RPH3A: variants seen among roughly 807,000 people sequenced by gnomAD.
The protein encoded by RPH3A is rabphilin 3A.
In RPH3A, 48 loss-of-function variants were observed where a neutral mutation model predicts 102.2. The ratio of observed to expected loss-of-function variants is 0.47; its 90% CI spans 0.37 to 0.60. The LOEUF is 0.60. RPH3A is among the 20% of genes least tolerant of loss of function. The probability of loss-of-function intolerance (pLI) is 0.00; values close to 1 mark genes in which losing one functional copy is unlikely to be tolerated. For synonymous variants in RPH3A, 310 were observed against 324.3 expected (o/e 0.96, Z 0.47); for missense variants, 781 against 910.1 (o/e 0.86, Z 1.83).
chr12:112,694,636 G>T (rs7964004), intron 1 of RPH3A, among the ~76,000 whole-genome samples: 9 of 138,514 alleles, frequency 6.5e-5, no homozygotes, highest in Admixed American at 5.5e-4. Context: ...ACACGCACGC[G>T]CGCGCGCGCA....
In RPH3A at chr12:112,791,864, A is replaced by T; in HGVS notation, c.-288A>T. ...CTACGCGGACTGGAAAGGAAGGGAG[A>T]AGGGAGAGAGAGAGAGAGAGAGAGA... On this transcript the variant is annotated 5_prime_UTR_variant, in exon 1 of 22. Transcript: ENST00000389385. 2.8e-4 allele frequency: 1 copy of T among 3,554 alleles called. No homozygotes were observed. Among genetic ancestry groups the T allele is most frequent in the Non-Finnish European group, 4.7e-4 (1 of 2,150 alleles). 0.2% of individuals were successfully genotyped at this position (3,554 alleles called of 1,614,324 possible).
chr12:112,669,978 C>T (rs1484355570), intron 1 of RPH3A, among the ~76,000 whole-genome samples: 1 of 152,136 alleles, frequency 6.6e-6, no homozygotes, highest in Non-Finnish European at 1.5e-5. Context: ...TGTTTTGTTA[C>T]TATAAACAAT....
intron 3 of RPH3A, among the ~76,000 whole-genome samples, chr12:112,829,202 C>T (rs73427034): frequency 5.1e-4 from 77 of 152,058 alleles, no homozygotes; most frequent in African/African-American, 1.8e-3. Flanking sequence ...GTTGAGGATA[C>T]GGTTATTTTT....
Position 112,869,781 on chromosome 12 carries a change from C to G in RPH3A, c.633C>G (p.Gly211=), listed in dbSNP as rs141246952. Residue 211 remains glycine (G), a synonymous_variant, in exon 9 of 22, where the codon GGC becomes GGG. Coordinates refer to ENST00000389385, the MANE Select transcript of RPH3A (RefSeq NM_001143854.2). ...PARGDSEDRR[G]PGQKTGPDPA... ...CAGGTGACAGTGAAGATAGGAGGGG[C>G]CCGGGTCAGAAGACAGGTGGGTTCT... 1 of 1,614,126 alleles carries G rather than the reference C, an allele frequency of 6.2e-7. No homozygotes were observed. Among genetic ancestry groups the G allele is most frequent in the African/African-American group, 1.3e-5 (1 of 75,014 alleles).
At chr12:112,818,307 T>TAAAAAAAAAAA (rs745954372) in intron 2 of RPH3A, among the ~76,000 whole-genome samples, 4 of 43,794 alleles carry the variant, frequency 9.1e-5, no homozygotes, top group Non-Finnish European at 1.4e-4. Context: ...TCAAGAAGAA[T>TAAAAAAAAAAA]AAAAAAAAAA....
intron 16 of RPH3A, among the ~76,000 whole-genome samples, chr12:112,886,016 T>C (rs1484391555): frequency 6.6e-6 from 1 of 152,200 alleles, no homozygotes; most frequent in African/African-American, 2.4e-5. Context: ...AGGATGATAT[T>C]GTTCACACCC....
intron 17 of RPH3A, among the ~76,000 whole-genome samples, 179 bp from the exon 18 acceptor site, chr12:112,889,845 T>A (rs1329567923): frequency 6.6e-6 from 1 of 152,208 alleles, no homozygotes; most frequent in Non-Finnish European, 1.5e-5. Context: ...TAGCTTGCCA[T>A]ATGGCTAAGT....
intron 4 of RPH3A, among the ~76,000 whole-genome samples, chr12:112,842,607 T>C (rs1455454603): frequency 6.6e-6 from 1 of 152,196 alleles, no homozygotes; most frequent in Non-Finnish European, 1.5e-5. Flanking sequence ...CTGCTTAGGT[T>C]GAAGGGCTAC....
At chr12:112,602,966 A>G (rs986852618) in intron 1 of RPH3A, among the ~76,000 whole-genome samples, 1 of 152,338 alleles carries the variant, frequency 6.6e-6, no homozygotes, top group Admixed American at 6.5e-5. Context: ...ATAAAGACCC[A>G]AAGAAACAGG....
At chr12:112,894,377 G>A in intron 19 of RPH3A, 12 of 600,292 alleles carry the variant, frequency 2.0e-5, no homozygotes, top group Middle Eastern at 4.1e-4. Flanking sequence ...CTAGGGTCAT[G>A]TGGGGATTAA....
At chr12:112,762,635 G>C (rs1436507399) in intron 1 of RPH3A, among the ~76,000 whole-genome samples, 1 of 152,134 alleles carries the variant, frequency 6.6e-6, no homozygotes, top group Admixed American at 6.5e-5. Flanking sequence ...CCTCAGATAT[G>C]GCTGGATCCA....
intron 5 of RPH3A, among the ~76,000 whole-genome samples, chr12:112,863,485 T>C (rs1406107021): frequency 1.3e-5 from 2 of 152,126 alleles, no homozygotes; most frequent in African/African-American, 4.8e-5. Flanking sequence ...GCCCAGCTAA[T>C]TTTTTTGTAT....
chr12:112,859,328 C>A (rs1218019604), intron 5 of RPH3A, among the ~76,000 whole-genome samples: 1 of 152,264 alleles, frequency 6.6e-6, no homozygotes, highest in African/African-American at 2.4e-5. Flanking sequence ...GATTCAAACC[C>A]GTGGCTTTTA....
At chr12:112,761,471 C>T (rs2040854912) in intron 1 of RPH3A, among the ~76,000 whole-genome samples, 1 of 152,216 alleles carries the variant, frequency 6.6e-6, no homozygotes, top group Admixed American at 6.5e-5. Flanking sequence ...GAGCCCTGTT[C>T]ATTGGGAACT....
At chr12:112,671,317 G>A (rs1051931409) in intron 1 of RPH3A, among the ~76,000 whole-genome samples, 1 of 152,186 alleles carries the variant, frequency 6.6e-6, no homozygotes, top group Non-Finnish European at 1.5e-5. Flanking sequence ...CAATCACCAG[G>A]ATTCCAGGCA....
Position 112,876,841 on chromosome 12 carries a change from C to T in RPH3A, c.1146C>T (p.Ala382=), listed in dbSNP as rs1181372963. 1 of 1,605,362 alleles carries T rather than the reference C, an allele frequency of 6.2e-7. No homozygotes were observed. The highest frequency in any genetic ancestry group is 1.1e-5 in the South Asian group (1 of 89,720). The part of the protein sequence containing the change: ...PPPPEEEEEE[A]NSYDSDEATT... ...CCCCAGAGGAGGAGGAAGAGGAAGC[C>T]AACAGCTACGATTCGGATGAAGCAA... The change falls in exon 13 of 22, where the codon GCC becomes GCT. Residue 382 remains alanine (A), a synonymous_variant. Transcript: ENST00000389385.
rs576564153 is a variant in RPH3A at position 112,653,930 on chromosome 12, C to T, written c.-140+78611C>T. Among the ~76,000 whole-genome samples the T allele has an allele frequency of 2.5e-4, 38 of 152,164 alleles. 2 individuals are homozygous for T. In the South Asian group the frequency reaches 7.9e-3, roughly 32 times the overall value. On this transcript the variant is annotated intron_variant, in intron 1 of 21. Transcript: ENST00000543106. Reference sequence around the variant, plus strand: ...CTTTTTTTTGTTAAAAACGAAAACACAAGCACACACATTAGCCTAGGCCTA... The same window carrying T: ...CTTTTTTTTGTTAAAAACGAAAACATAAGCACACACATTAGCCTAGGCCTA...
At chr12:112,656,326 C>T (rs901562717) in intron 1 of RPH3A, among the ~76,000 whole-genome samples, 1 of 152,200 alleles carries the variant, frequency 6.6e-6, no homozygotes, top group Non-Finnish European at 1.5e-5. Flanking sequence ...ATAAATCTCT[C>T]GAGTGTCTTC....
chr12:112,697,865 CA>C (rs796640306), intron 1 of RPH3A, among the ~76,000 whole-genome samples: 36 of 140,048 alleles, frequency 2.6e-4, no homozygotes, highest in East Asian at 6.2e-4. Context: ...AACTCCATCT[CA>C]AAAAAAAAAA....
Sources: gnomAD v4.1 joint callset for allele counts (sites outside exome capture counted in the v4.1 genomes callset) on GRCh38, gnomAD v4.1.1 for gene constraint, MANE v1.5 for transcripts, NCBI Gene and HGNC (gene_info 2026-07-23, HGNC 2026-07-21) for gene names.